Variants in LPAR3 observed in about 807,000 individuals in gnomAD.
LPAR3 encodes the protein LPA receptor 3.
A neutral mutation model predicts 17.8 loss-of-function variants in LPAR3; 7 were observed. The observed-to-expected ratio is 0.39, with a 90% CI of 0.22 to 0.74. LPAR3 has a LOEUF of 0.74. LPAR3 is among the 30% of genes least tolerant of loss of function. The pLI, the probability that LPAR3 is intolerant of heterozygous loss-of-function variation, is 0.40. For synonymous variants in LPAR3, 179 were observed against 179.9 expected (o/e 0.99, Z 0.04); for missense variants, 391 against 453.4 (o/e 0.86, Z 1.25).
At chr1:84,836,054 T>C (rs1452964774) in intron 2 of LPAR3, among the ~76,000 whole-genome samples, 1 of 120,886 alleles carries the variant, frequency 8.3e-6, no homozygotes, top group East Asian at 2.9e-4. Flanking sequence ...CCATTCTACA[T>C]GGCTGGGTGT....
chr1:84,836,808 A>C (rs1659414119), intron 2 of LPAR3, among the ~76,000 whole-genome samples: 1 of 152,198 alleles, frequency 6.6e-6, no homozygotes, highest in South Asian at 2.1e-4. Flanking sequence ...TAATATAATG[A>C]AAGCTACTCT....
At chr1:84,883,401 T>TCA (rs1557610167) in intron 1 of LPAR3, among the ~76,000 whole-genome samples, 1 of 152,198 alleles carries the variant, frequency 6.6e-6, no homozygotes, top group Non-Finnish European at 1.5e-5. Context: ...TTTCATTACC[T>TCA]TTTAGTCCCA....
intron 1 of LPAR3, among the ~76,000 whole-genome samples, chr1:84,867,293 C>T (rs1660070157): frequency 6.6e-6 from 1 of 152,172 alleles, no homozygotes; most frequent in Non-Finnish European, 1.5e-5. Flanking sequence ...GGCTTAGGGT[C>T]AGGGTTCTAG....
At chr1:84,880,905 G>A (rs1660352629) in intron 1 of LPAR3, among the ~76,000 whole-genome samples, 1 of 152,212 alleles carries the variant, frequency 6.6e-6, no homozygotes, top group South Asian at 2.1e-4. Flanking sequence ...GAGAGGGGAA[G>A]CATGGACCAA....
At chr1:84,864,891 T>A (rs1660009108) in intron 2 of LPAR3, among the ~76,000 whole-genome samples, 1 of 152,068 alleles carries the variant, frequency 6.6e-6, no homozygotes, top group Admixed American at 6.5e-5. Flanking sequence ...CCTGACCTCA[T>A]CTTCTCCTAC....
At chr1:84,839,998 C>G (rs1659477953) in intron 2 of LPAR3, among the ~76,000 whole-genome samples, 1 of 152,216 alleles carries the variant, frequency 6.6e-6, no homozygotes, top group African/African-American at 2.4e-5. Flanking sequence ...TCACAGCTCA[C>G]TGCAGCCTTG....
chr1:84,821,846 G>T (rs1475768865), intron 2 of LPAR3, among the ~76,000 whole-genome samples: 1 of 152,174 alleles, frequency 6.6e-6, no homozygotes, highest in East Asian at 1.9e-4. Flanking sequence ...GGGTGAGTGG[G>T]TAGCATGTGG....
chr1:84,863,037 G>C (rs1009678717), intron 2 of LPAR3, among the ~76,000 whole-genome samples: 16 of 151,950 alleles, frequency 1.1e-4, no homozygotes, highest in African/African-American at 3.4e-4. Context: ...TCTTGGTACA[G>C]GGCTCACAAC....
chr1:84,829,840 G>A (rs943307000), intron 2 of LPAR3, among the ~76,000 whole-genome samples: 5 of 152,118 alleles, frequency 3.3e-5, no homozygotes, highest in South Asian at 2.1e-4. Flanking sequence ...GTAAGGCAGA[G>A]GACATAAATA....
At position 84,814,108 on chromosome 1, in the gene LPAR3, C is replaced by T; in HGVS notation, c.800G>A (p.Arg267Lys). The change falls in exon 3 of 3, where the codon AGG becomes AAG. Residue 267 changes from arginine to lysine, a missense_variant. Coordinates refer to ENST00000370611, the MANE Select transcript of LPAR3 (RefSeq NM_012152.3). ...VVLLLDGLNCRQCGVQHVKRW... is the reference protein window; with the variant it reads ...VVLLLDGLNCKQCGVQHVKRW... ...TTTCACATGCTGCACGCCACACTGC[C>T]TGCAGTTCAGGCCGTCGAGGAGCAG... 6.2e-7 allele frequency: 1 copy of T among 1,614,196 alleles called. No homozygotes were observed. The highest frequency in any genetic ancestry group is 1.1e-5 in the South Asian group (1 of 91,084).
chr1:84,868,914 A>G (rs1660105575), intron 1 of LPAR3, among the ~76,000 whole-genome samples: 1 of 152,192 alleles, frequency 6.6e-6, no homozygotes, highest in Admixed American at 6.5e-5. Context: ...CACATGGGAA[A>G]ATTTAATAAT....
chr1:84,842,958 A>C (rs373223959), intron 2 of LPAR3, among the ~76,000 whole-genome samples: 10 of 152,352 alleles, frequency 6.6e-5, no homozygotes, highest in Admixed American at 4.6e-4. Context: ...CCCAATAAGC[A>C]GTGCTTCAGT....
In LPAR3 at chr1:84,854,573, C is replaced by T. The variant is rs539080136; in HGVS notation, c.736+10812G>A. On this transcript the variant is annotated intron_variant, in intron 2 of 2. Transcript: ENST00000370611. Reference sequence around the variant, plus strand: ...GTTGACTCATAAATCTTGGTCATTTCCTGACAACCATAAACCACTAGAGCA... The same window carrying T: ...GTTGACTCATAAATCTTGGTCATTTTCTGACAACCATAAACCACTAGAGCA... Among the ~76,000 whole-genome samples, 3 of 152,286 alleles carry T rather than the reference C, an allele frequency of 2.0e-5. No individual in the cohort carries two copies. The East Asian group carries it at 5.8e-4, about 29-fold the overall frequency.
At chr1:84,834,731 C>T (rs1659363603) in intron 2 of LPAR3, among the ~76,000 whole-genome samples, 1 of 152,178 alleles carries the variant, frequency 6.6e-6, no homozygotes, top group East Asian at 1.9e-4. Flanking sequence ...CAATAAATCT[C>T]ATAAACTGTT....
At chr1:84,883,191 A>G (rs182972459) in intron 1 of LPAR3, among the ~76,000 whole-genome samples, 32 of 152,338 alleles carry the variant, frequency 2.1e-4, no homozygotes, top group African/African-American at 7.5e-4. Context: ...GGTCTAGAGG[A>G]GTCAGAGAAA....
At chr1:84,842,342 T>A (rs902139674) in intron 2 of LPAR3, among the ~76,000 whole-genome samples, 3 of 152,220 alleles carry the variant, frequency 2.0e-5, no homozygotes, top group Admixed American at 2.0e-4. Flanking sequence ...TTTGCTATAG[T>A]TCTAGAGTCC....
At chr1:84,866,250 C>T in intron 1 of LPAR3, 112 bp from the exon 2 acceptor site, 4 of 768,814 alleles carry the variant, frequency 5.2e-6, no homozygotes, top group Non-Finnish European at 8.6e-6. Context: ...GAGTTGAAGA[C>T]CTGAAGTGTC....
rs948321797 is a variant in LPAR3 at position 84,891,059 on chromosome 1, T to C, written c.-19+1957A>G. Among the ~76,000 whole-genome samples the C allele has an allele frequency of 2.0e-5, 3 of 152,186 alleles. No homozygotes were observed. In the East Asian group the frequency reaches 5.8e-4, roughly 29 times the overall value. ...ACACATGAAAAACAATCTCATACTT[T>C]AATGTTTTAAATTCAGTCTCCATTC... On this transcript the variant is annotated intron_variant, in intron 1 of 2. Transcript: ENST00000370611.
chr1:84,888,313 T>C (rs1660496871), intron 1 of LPAR3, among the ~76,000 whole-genome samples: 1 of 152,128 alleles, frequency 6.6e-6, no homozygotes. Context: ...GTGATAGTTT[T>C]TGTCCAGAGA....
Sources: allele counts gnomAD v4.1 joint callset (sites outside exome capture counted in the v4.1 genomes callset), GRCh38; gene constraint gnomAD v4.1.1; transcripts MANE v1.5; gene names NCBI Gene and HGNC (gene_info 2026-07-23, HGNC 2026-07-21).